LPP: variants seen among roughly 807,000 people sequenced by gnomAD.
The protein encoded by LPP is LIM domain containing preferred translocation partner in lipoma.
A neutral mutation model predicts 60.4 loss-of-function variants in LPP; 38 were observed. The ratio of observed to expected loss-of-function variants is 0.63; its 90% CI spans 0.49 to 0.83. The LOEUF (loss-of-function observed/expected upper bound fraction) is 0.83, where lower values mean the gene tolerates loss of function less well. LPP is among the 40% of genes least tolerant of loss of function. The pLI is 0.00. For missense variants in LPP, 902 were observed against 783.6 expected (o/e 1.15, Z -1.80); for synonymous variants, 328 against 290.8 (o/e 1.13, Z -1.30).
chr3:188,866,981 C>T (rs923160024), intron 10 of LPP, among the ~76,000 whole-genome samples: 3 of 152,104 alleles, frequency 2.0e-5, no homozygotes, highest in African/African-American at 7.2e-5. Context: ...CCACCCAAGT[C>T]TTCTCTTTCT....
chr3:188,334,067 T>A (rs377100666), intron 2 of LPP, among the ~76,000 whole-genome samples: 1 of 152,232 alleles, frequency 6.6e-6, no homozygotes, highest in African/African-American at 2.4e-5. Flanking sequence ...TATTTTACTC[T>A]CTATGTGATC....
At chr3:188,786,382 C>CAAAAAAAAAAAAAAAAAAAA (rs57565042) in intron 9 of LPP, among the ~76,000 whole-genome samples, 3 of 76,644 alleles carry the variant, frequency 3.9e-5, no homozygotes, top group African/African-American at 1.4e-4. Context: ...GACTCCGTCT[C>CAAAAAAAAAAAAAAAAAAAA]AAAAAAAAAA....
At chr3:188,242,084 T>C (rs78928592) in intron 2 of LPP, among the ~76,000 whole-genome samples, 1,957 of 152,254 alleles carry the variant, frequency 0.013, 22 homozygotes, top group Non-Finnish European at 0.018. Flanking sequence ...ATGCTGTCCT[T>C]TGGCGTTAAG....
intron 8 of LPP, chr3:188,712,907 T>C (rs1560102930): frequency 6.6e-6 from 1 of 152,054 alleles, no homozygotes; most frequent in Admixed American, 6.6e-5. Flanking sequence ...ATAAGTAGAA[T>C]GATTCATGAA....
At chr3:188,431,642 G>A (rs1289577288) in intron 4 of LPP, among the ~76,000 whole-genome samples, 2 of 152,110 alleles carry the variant, frequency 1.3e-5, no homozygotes, top group African/African-American at 4.8e-5. Context: ...TCACTGGAGG[G>A]AAGGGTGAAT....
intron 7 of LPP, among the ~76,000 whole-genome samples, chr3:188,699,714 A>T (rs1863991373): frequency 6.6e-6 from 1 of 152,146 alleles, no homozygotes; most frequent in Admixed American, 6.5e-5. Context: ...AGAAGATTTC[A>T]ATTCAGATAG....
Position 188,591,887 on chromosome 3 carries a change from G to T in LPP, c.430-17274G>T, listed in dbSNP as rs16863466. Among the ~76,000 whole-genome samples the T allele has an allele frequency of 6.8e-3, 1,042 of 152,242 alleles. 62 individuals carry two copies. The East Asian group carries it at 0.14, about 20-fold the overall frequency. On this transcript the variant is annotated intron_variant, in intron 6 of 11. Transcript: ENST00000617246. ...TCAATATCAGAGGGTTTAACTGTGA[G>T]GTACTTGGCATGGGTCTGAATTGCA... is the stretch of plus-strand genomic sequence containing the variant.
chr3:188,665,848 T>A (rs1219488372), intron 7 of LPP, among the ~76,000 whole-genome samples: 1 of 152,212 alleles, frequency 6.6e-6, no homozygotes, highest in African/African-American at 2.4e-5. Flanking sequence ...CATCAGTCAG[T>A]TTTGTTAACA....
intron 8 of LPP, among the ~76,000 whole-genome samples, chr3:188,713,645 C>T (rs1712566580): frequency 6.6e-6 from 1 of 152,006 alleles, no homozygotes; most frequent in South Asian, 2.1e-4. Context: ...GGATGATTGA[C>T]AGATATACGT....
Position 188,884,531 on chromosome 3 carries a change from A to G in LPP, c.*10052A>G, listed in dbSNP as rs1770441981. ...GTGAGGAAGTTGGTGGGAAAAGGCC[A>G]CTGATAAGAACAAACAATGGGCAGA... On this transcript the variant is annotated 3_prime_UTR_variant, in exon 12 of 12. Transcript: ENST00000617246. 8.7e-6 allele frequency: 2 copies of G among 229,818 alleles called. 1 individual carries two copies. The highest frequency in any genetic ancestry group is 1.1e-4 in the Admixed American group (2 of 17,680). 14.2% of individuals were successfully genotyped at this position (229,818 alleles called of 1,614,324 possible). A position where few individuals can be genotyped will look rare whatever the true frequency, so the allele number is the denominator to read the frequency against.
chr3:188,325,528 T>C (rs1758187634), intron 2 of LPP, among the ~76,000 whole-genome samples: 1 of 152,154 alleles, frequency 6.6e-6, no homozygotes, highest in Non-Finnish European at 1.5e-5. Context: ...TTATCTTGCT[T>C]TATAGTCTAC....
At position 188,292,175 on chromosome 3, in the gene LPP, A is replaced by G. The variant is rs138236021; in HGVS notation, c.-66-49488A>G. Among the ~76,000 whole-genome samples the G allele has an allele frequency of 4.0e-3, 610 of 152,352 alleles. 3 individuals are homozygous for G. The highest frequency in any genetic ancestry group is 0.014 in the African/African-American group (582 of 41,576). On this transcript the variant is annotated intron_variant, in intron 2 of 11. Transcript: ENST00000617246. ...TAATGAACAAGAGAAGTGAAGGTAC[A>G]ATTCCTTTTTTGCATGAGGTAATTA...
intron 8 of LPP, among the ~76,000 whole-genome samples, chr3:188,727,953 G>A (rs1473395722): frequency 6.6e-6 from 1 of 152,116 alleles, no homozygotes; most frequent in Non-Finnish European, 1.5e-5. Context: ...ATTTTACACT[G>A]CTATCCTTTC....
intron 1 of LPP, chr3:188,179,830 G>A (rs1047281637): frequency 7.2e-6 from 2 of 279,406 alleles, no homozygotes; most frequent in Non-Finnish European, 7.0e-6. Context: ...TCCTGCCTTG[G>A]GTCCATTTGA....
chr3:188,178,347 A>C (rs577501022), intron 1 of LPP, among the ~76,000 whole-genome samples: 1 of 152,298 alleles, frequency 6.6e-6, no homozygotes, highest in African/African-American at 2.4e-5. Flanking sequence ...AGACCCAGGT[A>C]GGGTGATTGT....
chr3:188,650,011 T>G (rs549055871), intron 7 of LPP, among the ~76,000 whole-genome samples: 3 of 152,358 alleles, frequency 2.0e-5, no homozygotes, highest in African/African-American at 7.2e-5. Flanking sequence ...TCTATCCATC[T>G]GTCTGTCTAG....
intron 6 of LPP, among the ~76,000 whole-genome samples, chr3:188,555,309 T>C (rs1422294782): frequency 1.3e-5 from 2 of 152,104 alleles, no homozygotes; most frequent in Non-Finnish European, 2.9e-5. Context: ...CCTCTTATTC[T>C]TAGTTTAAGT....
intron 9 of LPP, among the ~76,000 whole-genome samples, chr3:188,803,878 A>C (rs554532931): frequency 6.6e-6 from 1 of 152,168 alleles, no homozygotes; most frequent in Non-Finnish European, 1.5e-5. Flanking sequence ...TGTTGAATGT[A>C]GGTGTAAATC....
At chr3:188,486,233 C>T (rs979580699) in intron 5 of LPP, among the ~76,000 whole-genome samples, 3 of 152,120 alleles carry the variant, frequency 2.0e-5, no homozygotes, top group African/African-American at 7.2e-5. Flanking sequence ...GCCTTTCTTT[C>T]TCCTAAATTT....
Sources: allele counts gnomAD v4.1 joint callset (sites outside exome capture counted in the v4.1 genomes callset), GRCh38; gene constraint gnomAD v4.1.1; transcripts MANE v1.5; gene names NCBI Gene and HGNC (gene_info 2026-07-23, HGNC 2026-07-21).